Variants in EXOC6B observed in about 807,000 individuals in gnomAD.
EXOC6B encodes the protein exocyst complex component 6B, also known as SEC15 homolog B.
EXOC6B carries 54 observed loss-of-function variants against 113.5 expected under a neutral mutation model. The observed-to-expected ratio is 0.48, with a 90% confidence interval of 0.38 to 0.60. The LOEUF (loss-of-function observed/expected upper bound fraction) is 0.60. Ranked by LOEUF, EXOC6B falls within the 20% of genes least tolerant of loss-of-function variation. The pLI is 0.00. For missense variants in EXOC6B, 797 were observed against 977.5 expected, an observed-to-expected ratio of 0.82 and a Z score of 2.46; for synonymous variants, 357 against 339.0, an observed-to-expected ratio of 1.05 and a Z score of -0.58.
chr2:72,601,402 G>A (rs1249016418), intron 6 of EXOC6B, among the ~76,000 whole-genome samples: 1 of 152,008 alleles, frequency 6.6e-6, no homozygotes, highest in Non-Finnish European at 1.5e-5. Context: ...AGCCAGGATG[G>A]TCTCAATCTC....
At chr2:72,491,022 A>C (rs1196064565) in intron 16 of EXOC6B, among the ~76,000 whole-genome samples, 1 of 152,190 alleles carries the variant, frequency 6.6e-6, no homozygotes, top group South Asian at 2.1e-4. Flanking sequence ...CTTCCCATCC[A>C]GAAAAAGAAA....
Position 72,682,410 on chromosome 2 carries a change from A to G in EXOC6B, c.669+35693T>C, listed in dbSNP as rs78653861. Among the ~76,000 whole-genome samples the G allele has an allele frequency of 1.9e-4, 29 of 152,304 alleles. 1 individual carries two copies. In the East Asian group the frequency reaches 5.6e-3, roughly 29 times the overall value. ...ATAAAAAGTCCACAAACTCTAAGAC[A>G]TATTTTATCAGTTTCCTTTTTTATA... On this transcript the variant is annotated intron_variant, in intron 6 of 21. Transcript: ENST00000272427.
chr2:72,526,191 T>A (rs549638394), intron 8 of EXOC6B, among the ~76,000 whole-genome samples: 1 of 151,966 alleles, frequency 6.6e-6, no homozygotes, highest in Non-Finnish European at 1.5e-5. Flanking sequence ...AAAGGGCCAA[T>A]AGGAAAATGT....
intron 6 of EXOC6B, among the ~76,000 whole-genome samples, chr2:72,586,485 G>A (rs992191302): frequency 1.3e-5 from 2 of 152,118 alleles, no homozygotes; most frequent in African/African-American, 4.8e-5. Context: ...AGGCGCGGTG[G>A]CTCAAGCCTG....
intron 6 of EXOC6B, among the ~76,000 whole-genome samples, chr2:72,588,271 A>C (rs1201790318): frequency 6.6e-6 from 1 of 152,144 alleles, no homozygotes; most frequent in Non-Finnish European, 1.5e-5. Flanking sequence ...AAGAGGTGAA[A>C]GCAAACCAAA....
chr2:72,254,252 C>T (rs886557874), intron 20 of EXOC6B, among the ~76,000 whole-genome samples: 1 of 152,178 alleles, frequency 6.6e-6, no homozygotes, highest in South Asian at 2.1e-4. Context: ...CCTGGATTAA[C>T]TGGGTAGACC....
chr2:72,420,891 A>G (rs1694832413), intron 18 of EXOC6B, among the ~76,000 whole-genome samples: 1 of 152,130 alleles, frequency 6.6e-6, no homozygotes, highest in East Asian at 1.9e-4. Context: ...CATCCTCTCC[A>G]GCATCTGTTA....
chr2:72,539,707 T>C (rs1573353161), intron 8 of EXOC6B, among the ~76,000 whole-genome samples: 1 of 151,222 alleles, frequency 6.6e-6, no homozygotes, highest in Non-Finnish European at 1.5e-5. Context: ...AAATTTCTTA[T>C]ATCTTTTCCT....
At chr2:72,412,266 CT>C (rs1172383456) in intron 18 of EXOC6B, among the ~76,000 whole-genome samples, 1 of 152,144 alleles carries the variant, frequency 6.6e-6, no homozygotes, top group Non-Finnish European at 1.5e-5. Flanking sequence ...CTGTTATAGG[CT>C]GAAGGAAAAT....
chr2:72,498,088 T>C (rs1272967869), intron 13 of EXOC6B, among the ~76,000 whole-genome samples: 2 of 152,182 alleles, frequency 1.3e-5, no homozygotes, highest in Non-Finnish European at 2.9e-5. Context: ...CTCACTATAA[T>C]TGAGTTGTAG....
At chr2:72,412,312 G>A (rs1694236266) in intron 18 of EXOC6B, among the ~76,000 whole-genome samples, 1 of 152,210 alleles carries the variant, frequency 6.6e-6, no homozygotes, top group African/African-American at 2.4e-5. Flanking sequence ...CTAGCTATAG[G>A]TGAACAGAGG....
intron 20 of EXOC6B, among the ~76,000 whole-genome samples, chr2:72,296,485 T>G (rs953136270): frequency 6.6e-6 from 1 of 152,196 alleles, no homozygotes; most frequent in Non-Finnish European, 1.5e-5. Flanking sequence ...CCCATATGTA[T>G]AGCATACATT....
chr2:72,380,419 C>T (rs543139854), intron 18 of EXOC6B, among the ~76,000 whole-genome samples: 1 of 152,250 alleles, frequency 6.6e-6, no homozygotes, highest in South Asian at 2.1e-4. Context: ...GCGGGCAGAT[C>T]ACAAGGTCAG....
intron 1 of EXOC6B, among the ~76,000 whole-genome samples, chr2:72,781,257 AT>A (rs1558996683): frequency 1.3e-5 from 2 of 152,032 alleles, no homozygotes; most frequent in South Asian, 4.1e-4. Flanking sequence ...AAGCAAACCG[AT>A]TTTTTTTAAT....
intron 20 of EXOC6B, among the ~76,000 whole-genome samples, chr2:72,189,514 A>G (rs2104266707): frequency 6.6e-6 from 1 of 152,282 alleles, no homozygotes; most frequent in East Asian, 1.9e-4. Context: ...GGAACTGTGA[A>G]GATTTAAGAC....
chr2:72,292,476 C>T (rs1313861970), intron 20 of EXOC6B, among the ~76,000 whole-genome samples: 1 of 150,460 alleles, frequency 6.6e-6, no homozygotes, highest in African/African-American at 2.4e-5. Flanking sequence ...ATGGTTGGTA[C>T]AGTGCTAGGA....
chr2:72,689,157 T>C (rs1051520457), intron 6 of EXOC6B, among the ~76,000 whole-genome samples: 2 of 152,346 alleles, frequency 1.3e-5, no homozygotes, highest in African/African-American at 4.8e-5. Context: ...AGCAGAAATG[T>C]ACGTTACTTT....
At chr2:72,698,306 A>C (rs1678037569) in intron 6 of EXOC6B, among the ~76,000 whole-genome samples, 1 of 152,186 alleles carries the variant, frequency 6.6e-6, no homozygotes, top group South Asian at 2.1e-4. Flanking sequence ...AAGGAACAAG[A>C]GTGCTGAAAG....
In EXOC6B at chr2:72,515,054, G is replaced by T. The variant is rs1345557849; in HGVS notation, c.988C>A (p.Pro330Thr). ...GATGGTAATCCTACCATGTTAGATGGAGGTTGAAGTACCAAACGAGCCTGT... is the reference window on the plus strand; with the variant it reads ...GATGGTAATCCTACCATGTTAGATGTAGGTTGAAGTACCAAACGAGCCTGT... ...RKQARLVLQP[P>T]SNMHETLDGY... Residue 330 changes from proline (P) to threonine (T), a missense_variant, in exon 9 of 22, where the codon CCA (proline) becomes ACA (threonine). Pro to Thr is a conservative substitution (Grantham distance 38). Transcript: ENST00000272427. The T allele has an allele frequency of 1.9e-6, 3 of 1,605,306 alleles. No homozygotes were observed. Among genetic ancestry groups the T allele is most frequent in the Non-Finnish European group, 1.7e-6 (2 of 1,175,886 alleles).
Sources: gnomAD v4.1 joint callset for allele counts (sites outside exome capture counted in the v4.1 genomes callset) on GRCh38, gnomAD v4.1.1 for gene constraint, MANE v1.5 for transcripts, NCBI Gene and HGNC (gene_info 2026-07-23, HGNC 2026-07-21) for gene names.